The following NSMCE2 variants were observed in gnomAD, a reference collection of about 807,000 sequenced individuals.
NSMCE2 encodes the protein NSE2 SUMO ligase component of SMC5/6 complex.
A neutral mutation model predicts 23.8 loss-of-function variants in NSMCE2; 24 were observed. That is an observed-to-expected ratio of 1.01 (90% CI 0.73 to 1.42). NSMCE2 has a LOEUF of 1.42. Ranked by LOEUF, NSMCE2 falls within the 40% of genes most tolerant of loss-of-function variation. The pLI, the probability that NSMCE2 is intolerant of heterozygous loss-of-function variation, is 0.00. For missense variants in NSMCE2, 284 were observed against 296.5 expected, an observed-to-expected ratio of 0.96 and a Z score of 0.31; for synonymous variants, 92 against 94.1, an observed-to-expected ratio of 0.98 and a Z score of 0.13.
chr8:125,349,061 A>G (rs1356510418), intron 5 of NSMCE2, among the ~76,000 whole-genome samples: 3 of 146,904 alleles, frequency 2.0e-5, no homozygotes, highest in Non-Finnish European at 4.5e-5. Flanking sequence ...ACACACACAC[A>G]CAGAGCTCTT....
At chr8:125,239,862 G>T (rs1385887802) in intron 5 of NSMCE2, among the ~76,000 whole-genome samples, 3 of 152,096 alleles carry the variant, frequency 2.0e-5, no homozygotes, top group Admixed American at 1.3e-4. Flanking sequence ...TATAACCTGT[G>T]CTGTAAATAA....
chr8:125,193,114 C>T (rs1823437142), intron 5 of NSMCE2, among the ~76,000 whole-genome samples: 4 of 152,062 alleles, frequency 2.6e-5, no homozygotes, highest in Non-Finnish European at 5.9e-5. Flanking sequence ...GTTTTAATAA[C>T]ATCAGGAAAT....
intron 3 of NSMCE2, among the ~76,000 whole-genome samples, chr8:125,145,838 G>C (rs1169718637): frequency 6.6e-6 from 1 of 152,088 alleles, no homozygotes; most frequent in Non-Finnish European, 1.5e-5. Context: ...CTCTGTTGCT[G>C]CCGGTGCTCT....
At chr8:125,216,056 T>C (rs552058116) in intron 5 of NSMCE2, among the ~76,000 whole-genome samples, 1 of 152,246 alleles carries the variant, frequency 6.6e-6, no homozygotes, top group Admixed American at 6.5e-5. Context: ...TATCTGTCTC[T>C]TAAAACAAAC....
At chr8:125,354,003 C>T (rs968354005) in intron 5 of NSMCE2, among the ~76,000 whole-genome samples, 3 of 151,220 alleles carry the variant, frequency 2.0e-5, no homozygotes, top group Admixed American at 6.6e-5. Context: ...ATGATCTCTG[C>T]TCACTGCAAT....
At chr8:125,118,440 T>C (rs983537181) in intron 3 of NSMCE2, among the ~76,000 whole-genome samples, 1 of 152,144 alleles carries the variant, frequency 6.6e-6, no homozygotes, top group Non-Finnish European at 1.5e-5. Context: ...AGAGTTTCAG[T>C]AGGTCTCGAA....
chr8:125,310,791 G>A (rs1306047422), intron 5 of NSMCE2, among the ~76,000 whole-genome samples: 4 of 152,106 alleles, frequency 2.6e-5, no homozygotes, highest in Admixed American at 1.3e-4. Context: ...CTCATTTACC[G>A]AGGAGTATAA....
chr8:125,254,497 G>T (rs1046796400), intron 5 of NSMCE2, among the ~76,000 whole-genome samples: 1 of 152,130 alleles, frequency 6.6e-6, no homozygotes, highest in Non-Finnish European at 1.5e-5. Context: ...AATTGAACAA[G>T]TAAATAGCAT....
At chr8:125,136,078 AGTATCT>A (rs575080802) in intron 3 of NSMCE2, among the ~76,000 whole-genome samples, 2 of 152,230 alleles carry the variant, frequency 1.3e-5, no homozygotes, top group Non-Finnish European at 2.9e-5. Flanking sequence ...GATGATGTCC[AGTATCT>A]TATAAACCTT....
At chr8:125,312,075 T>TAAAAAAAAAAAAAAAAAAAAAAA (rs56906621) in intron 5 of NSMCE2, among the ~76,000 whole-genome samples, 1 of 99,410 alleles carries the variant, frequency 1.0e-5, no homozygotes, top group African/African-American at 4.0e-5. Flanking sequence ...CCATCTCAAT[T>TAAAAAAAAAAAAAAAAAAAAAAA]AAAAAAAAAA....
In NSMCE2 at chr8:125,151,253, G is replaced by A; in HGVS notation, c.240G>A (p.Lys80=). 1 of 1,595,934 alleles carries A rather than the reference G, an allele frequency of 6.3e-7. No homozygotes were observed. Among genetic ancestry groups the A allele is most frequent in the Non-Finnish European group, 8.6e-7 (1 of 1,164,558 alleles). Residue 80 remains lysine, a synonymous_variant, in exon 4 of 8, where the codon AAG becomes AAA. Transcript: ENST00000287437. Reference sequence around the variant, plus strand: ...ATCGGCAACTAAACCATTATGTAAAGGCTGTTCAATCTACAATAAATCATG... The same window carrying A: ...ATCGGCAACTAAACCATTATGTAAAAGCTGTTCAATCTACAATAAATCATG... ...TLDRQLNHYV[K]AVQSTINHVK... is the part of the protein sequence containing the mutation.
intron 4 of NSMCE2, among the ~76,000 whole-genome samples, chr8:125,172,992 C>G (rs1822295004): frequency 6.6e-6 from 1 of 152,104 alleles, no homozygotes; most frequent in Admixed American, 6.6e-5. Context: ...TTTCTATCTT[C>G]CATTATCTTT....
chr8:125,233,004 T>G (rs558379132), intron 5 of NSMCE2, among the ~76,000 whole-genome samples: 7 of 152,242 alleles, frequency 4.6e-5, no homozygotes, highest in Middle Eastern at 3.2e-3. Flanking sequence ...TAACTAGTTC[T>G]GGAGGCTTAG....
chr8:125,327,056 A>T (rs1002845508), intron 5 of NSMCE2, among the ~76,000 whole-genome samples: 3 of 151,888 alleles, frequency 2.0e-5, no homozygotes, highest in African/African-American at 7.3e-5. Flanking sequence ...TGAGGTCAGG[A>T]GTTCCACACC....
rs188223209 is a variant in NSMCE2 at position 125,168,650 on chromosome 8, T to C, written c.265-13453T>C. ...CTCTTTTATGATGGCACAAGTCCCA[T>C]TAATGAGGGCTTTGCCCTCGTGCTC... On this transcript the variant is annotated intron_variant, in intron 4 of 7. Transcript: ENST00000287437. 3.3e-3 allele frequency among the ~76,000 whole-genome samples: 510 copies of C among 152,338 alleles called. 2 individuals are homozygous for C. The highest frequency in any genetic ancestry group is 5.8e-3 in the Admixed American group (88 of 15,304).
intron 5 of NSMCE2, among the ~76,000 whole-genome samples, chr8:125,323,709 A>G (rs1050948927): frequency 3.3e-5 from 5 of 152,240 alleles, no homozygotes; most frequent in Non-Finnish European, 7.3e-5. Context: ...TGAATATAAA[A>G]CCTAAAACTA....
intron 5 of NSMCE2, among the ~76,000 whole-genome samples, chr8:125,312,427 C>T (rs1829007586): frequency 6.6e-6 from 1 of 152,014 alleles, no homozygotes; most frequent in Non-Finnish European, 1.5e-5. Context: ...AGTTCAAGAC[C>T]AGCCTGGCCA....
intron 5 of NSMCE2, among the ~76,000 whole-genome samples, chr8:125,191,204 C>A (rs1823329696): frequency 6.6e-6 from 1 of 152,060 alleles, no homozygotes; most frequent in Admixed American, 6.6e-5. Flanking sequence ...TCTTTCAGCT[C>A]TATTAGATGG....
intron 5 of NSMCE2, among the ~76,000 whole-genome samples, chr8:125,261,439 T>C (rs1459943007): frequency 6.6e-6 from 1 of 152,232 alleles, no homozygotes; most frequent in African/African-American, 2.4e-5. Context: ...GCTTCTGTGC[T>C]CTGTGGTTAC....
Sources: allele counts gnomAD v4.1 joint callset (sites outside exome capture counted in the v4.1 genomes callset), GRCh38; gene constraint gnomAD v4.1.1; transcripts MANE v1.5; gene names NCBI Gene and HGNC (gene_info 2026-07-23, HGNC 2026-07-21).